The following HIF1AN variants were observed in gnomAD, a reference collection of about 807,000 sequenced individuals.
HIF1AN encodes hypoxia-inducible factor 1-alpha inhibitor.
HIF1AN carries 21 observed loss-of-function variants against 47.7 expected under a neutral mutation model. That is an observed-to-expected ratio of 0.44 (90% CI 0.31 to 0.63). The LOEUF (loss-of-function observed/expected upper bound fraction) is 0.63. Ranked by LOEUF, HIF1AN falls within the 30% of genes least tolerant of loss-of-function variation. HIF1AN has a pLI of 0.07. For missense variants in HIF1AN, 320 were observed against 432.7 expected (o/e 0.74, Z 2.31); for synonymous variants, 152 against 155.9 (o/e 0.98, Z 0.18).
At chr10:100,546,457 C>CCAGG in intron 5 of HIF1AN, 61 bp from the exon 6 acceptor site, 1 of 540,718 alleles carries the variant, frequency 1.8e-6, no homozygotes, top group Non-Finnish European at 3.3e-6. Context: ...CCCCGCACTT[C>CCAGG]GCCCCTCCGC....
chr10:100,541,136 T>C (rs1296732246), intron 3 of HIF1AN, among the ~76,000 whole-genome samples: 1 of 152,166 alleles, frequency 6.6e-6, no homozygotes, highest in East Asian at 1.9e-4. Context: ...GGGGAATTGC[T>C]TGAACCCAGG....
rs757543034 is a variant in HIF1AN, at chr10:100,540,657, A to G, written c.452A>G (p.Asn151Ser). The G allele has an allele frequency of 1.3e-5, 21 of 1,613,808 alleles. No homozygotes were observed. Among genetic ancestry groups the G allele is most frequent in the Non-Finnish European group, 1.1e-5 (13 of 1,179,968 alleles). Residue 151 changes from asparagine (N) to serine (S), a missense_variant, in exon 3 of 8, where the codon AAT (asparagine) becomes AGT (serine). Transcript: ENST00000299163. ...AGGTTGTATCTGCAGCAAACGCTCAATGACACTGTGGGCAGGAAGATTGTC... is the reference window on the plus strand; with the variant it reads ...AGGTTGTATCTGCAGCAAACGCTCAGTGACACTGTGGGCAGGAAGATTGTC... ...EERLYLQQTL[N>S]DTVGRKIVMD...
At chr10:100,543,179 T>A (rs1359510183) in intron 3 of HIF1AN, among the ~76,000 whole-genome samples, 4 of 148,100 alleles carry the variant, frequency 2.7e-5, no homozygotes, top group Non-Finnish European at 6.0e-5. Context: ...CACCTGCCTC[T>A]TTTTTTGTTT....
At position 100,552,252 on chromosome 10, in the gene HIF1AN, T is replaced by C. The variant is rs1405337928; in HGVS notation, c.*4115T>C. On this transcript the variant is annotated 3_prime_UTR_variant, in exon 8 of 8. Transcript: ENST00000299163. The stretch of plus-strand genomic sequence containing the variant: ...CTTAGAGGATCCAAGGATGAAGGAA[T>C]GCGGGTTGGTGGTTCTCTCTTTCAG... 2.0e-5 allele frequency: 3 copies of C among 152,250 alleles called. No homozygotes were observed. The highest frequency in any genetic ancestry group is 2.1e-4 in the South Asian group (1 of 4,836). 9.4% of individuals were successfully genotyped at this position (152,250 alleles called of 1,614,324 possible). A position where few individuals can be genotyped will look rare whatever the true frequency, so the allele number is the denominator to read the frequency against.
chr10:100,542,964 C>T (rs941446325), intron 3 of HIF1AN, among the ~76,000 whole-genome samples: 5 of 142,702 alleles, frequency 3.5e-5, no homozygotes, highest in Middle Eastern at 4.0e-3. Context: ...TTTTATTTCT[C>T]GCAGTAGCTC....
rs1589755573 is a variant in HIF1AN, at chr10:100,551,522, G to T, written c.*3385G>T. The T allele has an allele frequency of 6.6e-6, 1 of 152,320 alleles. No homozygotes were observed. The highest frequency in any genetic ancestry group is 6.5e-5 in the Admixed American group (1 of 15,308). 9.4% of individuals were successfully genotyped at this position (152,320 alleles called of 1,614,324 possible). A position where few individuals can be genotyped will look rare whatever the true frequency, so the allele number is the denominator to read the frequency against. ...TTTCTTAACAAAGATTAGGGACCCA[G>T]TTGCCAGCCTGAGATGGATATAGGA... On this transcript the variant is annotated 3_prime_UTR_variant, in exon 8 of 8. Transcript: ENST00000299163.
Position 100,557,564 on chromosome 10 carries a change from GCCT to G in HIF1AN, c.*9430_*9432del, listed in dbSNP as rs994758506. 5 of 152,274 alleles carry G rather than the reference GCCT, an allele frequency of 3.3e-5. No individual in the cohort carries two copies. Among genetic ancestry groups the G allele is most frequent in the Non-Finnish European group, 5.9e-5 (4 of 68,146 alleles). The allele number at this position is 152,274 out of a possible 1,614,324, so 9.4% of individuals were successfully genotyped here. The stretch of plus-strand genomic sequence containing the variant: ...TCCAGGTTCAAGCAATTCTGCCTCA[GCCT>G]CCCGAGTAGCTGGGACTCAGGCGTG... On this transcript the variant is annotated 3_prime_UTR_variant, in exon 8 of 8. Transcript: ENST00000299163.
intron 4 of HIF1AN, 198 bp downstream of exon 4, chr10:100,545,294 A>G (rs1278100108): frequency 3.8e-6 from 2 of 530,594 alleles, no homozygotes; most frequent in Non-Finnish European, 6.6e-6. Flanking sequence ...GTTTGTAAGT[A>G]TAACTAGCCC....
In HIF1AN at chr10:100,546,614, G is replaced by GT. The variant is rs764654975; in HGVS notation, c.894+33_894+34insT. ...TGGTTTGCTTTTTTTGTTTTTTCCAGATGGAACTGGCTCTTGGGTGAGGTA... is the reference window on the plus strand; with the variant it reads ...TGGTTTGCTTTTTTTGTTTTTTCCAGTATGGAACTGGCTCTTGGGTGAGGTA... On this transcript the variant is annotated intron_variant, in intron 6 of 7. Transcript: ENST00000299163. The GT allele has an allele frequency of 9.8e-6, 15 of 1,532,916 alleles. No individual in the cohort carries two copies. The South Asian group carries it at 1.6e-4, about 16-fold the overall frequency. 95.0% of individuals were successfully genotyped at this position (1,532,916 alleles called of 1,614,324 possible).
intron 3 of HIF1AN, among the ~76,000 whole-genome samples, chr10:100,541,200 A>G (rs1045644001): frequency 6.6e-6 from 1 of 151,878 alleles, no homozygotes; most frequent in Non-Finnish European, 1.5e-5. Flanking sequence ...GCCTGGCGAC[A>G]GAGCAAGACT....
chr10:100,557,830 G>A lies in HIF1AN; in HGVS notation c.*9693G>A, dbSNP rs1482695042. On this transcript the variant is annotated 3_prime_UTR_variant, in exon 8 of 8. Transcript: ENST00000299163. ...TAACTAAGTTAATTCAGAACTTAGTGCCTAGTAAGTGCTCAGTAAATGTTA... is the reference window on the plus strand; with the variant it reads ...TAACTAAGTTAATTCAGAACTTAGTACCTAGTAAGTGCTCAGTAAATGTTA... 1 of 152,098 alleles carries A rather than the reference G, an allele frequency of 6.6e-6. No homozygotes were observed. The highest frequency in any genetic ancestry group is 1.5e-5 in the Non-Finnish European group (1 of 68,038). 9.4% of individuals were successfully genotyped at this position (152,098 alleles called of 1,614,324 possible).
chr10:100,548,029 A>G (rs1374928111), intron 7 of HIF1AN, 64 bp from the exon 8 acceptor site: 93 of 1,470,264 alleles, frequency 6.3e-5, no homozygotes, highest in South Asian at 8.0e-5. Context: ...CTCCAGACAC[A>G]CCCTGTCCAA....
rs1564660704 is a variant in HIF1AN at position 100,536,357 on chromosome 10, C to T, written c.178-54C>T. On this transcript the variant is annotated intron_variant, in intron 1 of 7. Transcript: ENST00000299163. ...AGTTGGGATCATGGAGGCCAACCCA[C>T]CGGCTCCTTGGCATTACTTCATTTG... The T allele has an allele frequency of 9.4e-6, 15 of 1,597,314 alleles. No individual in the cohort carries two copies. The East Asian group carries it at 1.1e-4, about 12-fold the overall frequency.
In HIF1AN at chr10:100,551,318, A is replaced by G. The variant is rs1290848226; in HGVS notation, c.*3181A>G. 2 of 152,364 alleles carry G rather than the reference A, an allele frequency of 1.3e-5. No individual in the cohort carries two copies. The highest frequency in any genetic ancestry group is 3.9e-4 in the East Asian group (2 of 5,184). The allele number at this position is 152,364 out of a possible 1,614,324, so 9.4% of individuals were successfully genotyped here. On this transcript the variant is annotated 3_prime_UTR_variant, in exon 8 of 8. Coordinates refer to ENST00000299163, the MANE Select transcript of HIF1AN (RefSeq NM_017902.3). ...CTGGTGATTAGACACAGGATGAAGG[A>G]AAAGAAATTTGACAATTAGGAATGA...
chr10:100,542,846 G>GTTTTTTTT (rs397730143), intron 3 of HIF1AN, among the ~76,000 whole-genome samples: 18 of 111,764 alleles, frequency 1.6e-4, no homozygotes, highest in South Asian at 3.1e-4. Flanking sequence ...ATGTGAATGT[G>GTTTTTTTT]TTTTTTTTTT....
chr10:100,536,699 A>G (rs1265605069), intron 2 of HIF1AN, 38 bp downstream of exon 2: 2 of 1,610,328 alleles, frequency 1.2e-6, no homozygotes, highest in Admixed American at 3.3e-5. Flanking sequence ...TGGATTTAGG[A>G]CACTCATTTT....
rs1465798255 is a variant in HIF1AN at position 100,558,491 on chromosome 10, T to C, written c.*10354T>C. On this transcript the variant is annotated 3_prime_UTR_variant, in exon 8 of 8. Coordinates refer to ENST00000299163, the MANE Select transcript of HIF1AN (RefSeq NM_017902.3). ...TTCACCTAGAAATAAAAAGCAGAAA[T>C]CATCAAGATGAGAAGACATTTTGTG... 6.6e-6 allele frequency: 1 copy of C among 151,996 alleles called. No individual in the cohort carries two copies. Among genetic ancestry groups the C allele is most frequent in the Admixed American group, 6.6e-5 (1 of 15,262 alleles). 9.4% of individuals were successfully genotyped at this position (151,996 alleles called of 1,614,324 possible). A position where few individuals can be genotyped will look rare whatever the true frequency, so the allele number is the denominator to read the frequency against.
At chr10:100,547,531 AAC>A (rs1337588921) in intron 7 of HIF1AN, among the ~76,000 whole-genome samples, 3 of 152,236 alleles carry the variant, frequency 2.0e-5, no homozygotes, top group Admixed American at 6.5e-5. Context: ...AGCGAGCACT[AAC>A]ACATCTCCTT....
rs186769966 is a variant in HIF1AN at position 100,559,780 on chromosome 10, C to T, written c.*11643C>T. On this transcript the variant is annotated 3_prime_UTR_variant, in exon 8 of 8. Coordinates refer to ENST00000299163, the MANE Select transcript of HIF1AN (RefSeq NM_017902.3). ...ATTGTTTCTATATAACCCAAAGTCACTCTCATTGACATTAAGAAACTCAGA... is the reference window on the plus strand; with the variant it reads ...ATTGTTTCTATATAACCCAAAGTCATTCTCATTGACATTAAGAAACTCAGA... The T allele has an allele frequency of 6.6e-6, 1 of 152,222 alleles. No homozygotes were observed. Among genetic ancestry groups the T allele is most frequent in the Admixed American group, 6.5e-5 (1 of 15,292 alleles). The allele number at this position is 152,222 out of a possible 1,614,324, so 9.4% of individuals were successfully genotyped here.
Sources: allele counts gnomAD v4.1 joint callset (sites outside exome capture counted in the v4.1 genomes callset), GRCh38; gene constraint gnomAD v4.1.1; transcripts MANE v1.5; gene names NCBI Gene and HGNC (gene_info 2026-07-23, HGNC 2026-07-21).